The following ERICH6B variants were observed in gnomAD, a reference collection of about 807,000 sequenced individuals.
The protein encoded by ERICH6B is glutamate-rich protein 6B.
In ERICH6B, 69 loss-of-function variants were observed where a neutral mutation model predicts 80.0. The ratio of observed to expected loss-of-function variants is 0.86; its 90% CI spans 0.71 to 1.05. The LOEUF (loss-of-function observed/expected upper bound fraction) is 1.05. Among genes scored for constraint, ERICH6B ranks in the 50% least tolerant of loss-of-function variants. The probability of loss-of-function intolerance (pLI) is 0.00; values close to 1 mark genes in which losing one functional copy is unlikely to be tolerated. For synonymous variants in ERICH6B, 283 were observed against 291.9 expected (o/e 0.97, Z 0.31); for missense variants, 754 against 796.1 (o/e 0.95, Z 0.64).
intron 14 of ERICH6B, among the ~76,000 whole-genome samples, chr13:45,543,742 C>T (rs1873879543): frequency 6.6e-6 from 1 of 152,162 alleles, no homozygotes; most frequent in South Asian, 2.1e-4. Context: ...GTTCCAGCAG[C>T]CCTAAGAAAC....
At chr13:45,598,412 G>A (rs76525208) in intron 2 of ERICH6B, among the ~76,000 whole-genome samples, 3,025 of 152,244 alleles carry the variant, frequency 0.02, 96 homozygotes, top group African/African-American at 0.069. Flanking sequence ...TATTCTGCAG[G>A]ACAGGACAGA....
chr13:45,609,169 G>T (rs987713143), intron 1 of ERICH6B, among the ~76,000 whole-genome samples: 1 of 152,192 alleles, frequency 6.6e-6, no homozygotes, highest in Non-Finnish European at 1.5e-5. Flanking sequence ...TTGCTCCACT[G>T]CTTCTATGTT....
At chr13:45,544,677 G>T in intron 14 of ERICH6B, 83 bp downstream of exon 14, 3 of 1,214,554 alleles carry the variant, frequency 2.5e-6, no homozygotes, top group South Asian at 1.4e-5. Flanking sequence ...GAGGCCTGTG[G>T]CATGGGCCAG....
intron 14 of ERICH6B, 31 bp downstream of exon 14, chr13:45,544,729 T>C (rs1873920462): frequency 1.9e-6 from 3 of 1,538,710 alleles, no homozygotes; most frequent in Admixed American, 2.0e-5. Context: ...GCACCCCACC[T>C]GGTGGAGGGT....
chr13:45,543,505 C>T (rs1392908031), intron 14 of ERICH6B, among the ~76,000 whole-genome samples: 1 of 152,172 alleles, frequency 6.6e-6, no homozygotes, highest in Non-Finnish European at 1.5e-5. Flanking sequence ...AGGTTTGACA[C>T]AGACACACAG....
At chr13:45,599,797 G>A (rs1949815218) in intron 2 of ERICH6B, among the ~76,000 whole-genome samples, 1 of 152,184 alleles carries the variant, frequency 6.6e-6, no homozygotes, top group African/African-American at 2.4e-5. Flanking sequence ...CTTTCCATAA[G>A]TTTTGCTTCA....
At position 45,561,500 on chromosome 13, in the gene ERICH6B, A is replaced by T. The variant is rs1874680355; in HGVS notation, c.1276T>A (p.Phe426Ile). ...GGTTTGCTCATTAAATGAAATGTGA[A>T]ACTGGTCATCTCTGTTAACTTTTGA... ...EAQKLTEMTS[F>I]TFHLMSKPTP... Residue 426 changes from phenylalanine to isoleucine, a missense_variant, in exon 11 of 15, where the codon TTC (phenylalanine) becomes ATC (isoleucine). Physicochemically the swap from Phe to Ile is conservative, Grantham distance 21. Transcript: ENST00000298738. 2 of 1,551,732 alleles carry T rather than the reference A, an allele frequency of 1.3e-6. No homozygotes were observed. Among genetic ancestry groups the T allele is most frequent in the African/African-American group, 2.7e-5 (2 of 73,056 alleles).
At chr13:45,582,157 T>A (rs1226645544) in intron 5 of ERICH6B, among the ~76,000 whole-genome samples, 1 of 152,216 alleles carries the variant, frequency 6.6e-6, no homozygotes, top group Non-Finnish European at 1.5e-5. Flanking sequence ...CAGGTTACTG[T>A]CCAGGACACC....
chr13:45,609,555 C>A (rs1949888045), intron 1 of ERICH6B, among the ~76,000 whole-genome samples: 1 of 152,192 alleles, frequency 6.6e-6, no homozygotes, highest in Non-Finnish European at 1.5e-5. Flanking sequence ...AGAGTAGGAA[C>A]TTTGCTTTCT....
chr13:45,578,550 G>A (rs1875520741), intron 7 of ERICH6B, among the ~76,000 whole-genome samples: 2 of 152,204 alleles, frequency 1.3e-5, no homozygotes, highest in African/African-American at 4.8e-5. Flanking sequence ...GCTCCAAAGC[G>A]AGCAACCCAG....
intron 14 of ERICH6B, 42 bp downstream of exon 14, chr13:45,544,718 G>A (rs2137953925): frequency 6.6e-7 from 1 of 1,520,706 alleles, no homozygotes; most frequent in Middle Eastern, 1.8e-4. Flanking sequence ...TGTACAGGTG[G>A]GCACCCCACC....
intron 9 of ERICH6B, among the ~76,000 whole-genome samples, chr13:45,565,362 TG>T (rs1874868432): frequency 1.3e-5 from 2 of 152,058 alleles, no homozygotes; most frequent in African/African-American, 2.4e-5. Flanking sequence ...AACAGACCCA[TG>T]GGGGCACAAA....
chr13:45,597,778 T>A (rs1876464367), intron 2 of ERICH6B, among the ~76,000 whole-genome samples: 1 of 152,212 alleles, frequency 6.6e-6, no homozygotes, highest in Non-Finnish European at 1.5e-5. Flanking sequence ...TGTTTGCACG[T>A]TTGTTCTTCC....
intron 1 of ERICH6B, among the ~76,000 whole-genome samples, chr13:45,610,579 G>A (rs1455295841): frequency 6.6e-6 from 1 of 152,170 alleles, no homozygotes; most frequent in East Asian, 1.9e-4. Flanking sequence ...GTTACAATGT[G>A]AACATCACAG....
intron 2 of ERICH6B, among the ~76,000 whole-genome samples, chr13:45,607,301 G>A (rs926003984): frequency 1.3e-4 from 20 of 152,316 alleles, no homozygotes; most frequent in Middle Eastern, 3.4e-3. Flanking sequence ...AACCCTGCAA[G>A]AACATTTCTT....
rs1873936906 is a variant in ERICH6B at position 45,545,000 on chromosome 13, A to G, written c.1647-15T>C. 9.7e-6 allele frequency: 15 copies of G among 1,547,308 alleles called. No individual in the cohort carries two copies. The highest frequency in any genetic ancestry group is 1.4e-5 in the African/African-American group (1 of 72,836). The stretch of plus-strand genomic sequence containing the variant: ...TCAGGTTCAACCTGGACCAGGAGAA[A>G]GCATGTCAGGCAGCCAGGGCGCTCA... On this transcript the variant is annotated splice_polypyrimidine_tract_variant and intron_variant, in intron 13 of 14. Coordinates refer to ENST00000298738, the MANE Select transcript of ERICH6B (RefSeq NM_182542.3).
At chr13:45,603,414 G>A (rs1318252223) in intron 2 of ERICH6B, among the ~76,000 whole-genome samples, 1 of 152,188 alleles carries the variant, frequency 6.6e-6, no homozygotes, top group Admixed American at 6.5e-5. Context: ...AAGATGTGGG[G>A]CGGACCCCTC....
At chr13:45,574,819 T>A in intron 8 of ERICH6B, 23 bp downstream of exon 8, 1 of 1,413,474 alleles carries the variant, frequency 7.1e-7, no homozygotes. Context: ...GGGGGGGGGG[T>A]CTCAAGTTTT....
At chr13:45,566,834 C>G (rs576782330) in intron 9 of ERICH6B, among the ~76,000 whole-genome samples, 2 of 152,188 alleles carry the variant, frequency 1.3e-5, no homozygotes, top group South Asian at 4.1e-4. Context: ...GAGAAGAGGG[C>G]CACCGTCCTC....
Sources: gnomAD v4.1 joint callset for allele counts (sites outside exome capture counted in the v4.1 genomes callset) on GRCh38, gnomAD v4.1.1 for gene constraint, MANE v1.5 for transcripts, NCBI Gene and HGNC (gene_info 2026-07-23, HGNC 2026-07-21) for gene names.